CWC27: variants seen among roughly 807,000 people sequenced by gnomAD.
CWC27 encodes spliceosome-associated protein CWC27 homolog.
CWC27 carries 47 observed loss-of-function variants against 63.6 expected under a neutral mutation model. The observed-to-expected ratio is 0.74, with a 90% CI of 0.58 to 0.94. CWC27 has a LOEUF of 0.94. CWC27 is among the 40% of genes least tolerant of loss of function. The pLI is 0.00. For synonymous variants in CWC27, 175 were observed against 179.8 expected (o/e 0.97, Z 0.22); for missense variants, 495 against 554.3 (o/e 0.89, Z 1.07).
chr5:64,876,148 A>G (rs1279327057), intron 10 of CWC27, among the ~76,000 whole-genome samples: 2 of 152,246 alleles, frequency 1.3e-5, no homozygotes, highest in Middle Eastern at 3.4e-3. Flanking sequence ...AAATGTGTGT[A>G]TAAACTACAG....
At position 64,840,394 on chromosome 5, in the gene CWC27, AATATATATATAT is replaced by A. The variant is rs61685920; in HGVS notation, c.938+36034_938+36045del. 6.2e-4 allele frequency among the ~76,000 whole-genome samples: 12 copies of A among 19,492 alleles called. 1 individual carries two copies. Among genetic ancestry groups the A allele is most frequent in the East Asian group, 2.6e-3 (1 of 390 alleles). The allele number at this position is 19,492 out of a possible 152,430, so 12.8% of individuals were successfully genotyped here. A position where few individuals can be genotyped will look rare whatever the true frequency, so the allele number is the denominator to read the frequency against. ...AAAAAAAAAAAAAAAAAAAAAAAAAAATATATATATATATATATATATATATATATATATATA... is the reference window on the plus strand; with the variant it reads ...AAAAAAAAAAAAAAAAAAAAAAAAAAATATATATATATATATATATATATA... On this transcript the variant is annotated intron_variant, in intron 10 of 13. Transcript: ENST00000381070.
intron 13 of CWC27, among the ~76,000 whole-genome samples, chr5:64,997,540 A>G (rs1257731484): frequency 6.6e-6 from 1 of 152,148 alleles, no homozygotes; most frequent in Non-Finnish European, 1.5e-5. Context: ...TTTCTATAAT[A>G]TTTGACTGTT....
chr5:64,891,010 A>G lies in CWC27; in HGVS notation c.1042+5464A>G, dbSNP rs1300692230. Among the ~76,000 whole-genome samples the G allele has an allele frequency of 3.3e-5, 5 of 152,304 alleles. No individual in the cohort carries two copies. The East Asian group carries it at 7.7e-4, about 23-fold the overall frequency. On this transcript the variant is annotated intron_variant, in intron 11 of 13. Coordinates refer to ENST00000381070, the MANE Select transcript of CWC27 (RefSeq NM_005869.4). Reference sequence around the variant, plus strand: ...TAGCAGCAAGAGGTGATCGCCAACCAGCTGACACTAGGTCAGGAAACACAA... The same window carrying G: ...TAGCAGCAAGAGGTGATCGCCAACCGGCTGACACTAGGTCAGGAAACACAA...
At chr5:64,777,445 G>A (rs1743496770) in intron 2 of CWC27, among the ~76,000 whole-genome samples, 1 of 152,010 alleles carries the variant, frequency 6.6e-6, no homozygotes. Context: ...ACACAAAACA[G>A]GATTCTAGAA....
rs546915308 is a variant in CWC27 at position 64,786,161 on chromosome 5, T to C, written c.496-363T>C. ...GCCTGGGCGACAGAGCAAGACTCCA[T>C]CTCAAAAAAAAAAAAAAAAAAAAAG... On this transcript the variant is annotated intron_variant, in intron 5 of 13. Transcript: ENST00000381070. Among the ~76,000 whole-genome samples, 29 of 105,596 alleles carry C rather than the reference T, an allele frequency of 2.7e-4. No individual in the cohort carries two copies. In the South Asian group the frequency reaches 3.7e-3, roughly 13 times the overall value. The allele number at this position is 105,596 out of a possible 152,430, so 69.3% of individuals were successfully genotyped here.
At chr5:65,008,204 G>A (rs1347181957) in intron 13 of CWC27, among the ~76,000 whole-genome samples, 3 of 152,214 alleles carry the variant, frequency 2.0e-5, no homozygotes, top group Non-Finnish European at 2.9e-5. Flanking sequence ...ACTAATGTAA[G>A]ATGTTAGTAA....
chr5:64,815,746 C>A (rs370771165), intron 10 of CWC27, among the ~76,000 whole-genome samples: 74 of 152,186 alleles, frequency 4.9e-4, no homozygotes, highest in African/African-American at 1.8e-3. Flanking sequence ...GTACAAAATT[C>A]TAAAGGAAAT....
chr5:64,965,129 T>C (rs1207416065), intron 11 of CWC27, among the ~76,000 whole-genome samples: 1 of 152,148 alleles, frequency 6.6e-6, no homozygotes, highest in Admixed American at 6.5e-5. Context: ...CTCAACAACT[T>C]TAGAAGCTGT....
chr5:64,873,184 G>A (rs1224330829), intron 10 of CWC27, among the ~76,000 whole-genome samples: 1 of 152,114 alleles, frequency 6.6e-6, no homozygotes, highest in African/African-American at 2.4e-5. Context: ...GTTTTGTTTC[G>A]TTCACTTAGA....
chr5:64,898,472 A>G (rs969746810), intron 11 of CWC27, among the ~76,000 whole-genome samples: 3 of 152,200 alleles, frequency 2.0e-5, no homozygotes, highest in African/African-American at 7.2e-5. Flanking sequence ...AAACTTGCAC[A>G]TAGTAGATAG....
chr5:64,887,485 G>T (rs992338072), intron 11 of CWC27, among the ~76,000 whole-genome samples: 1 of 152,056 alleles, frequency 6.6e-6, no homozygotes, highest in Non-Finnish European at 1.5e-5. Flanking sequence ...TCGTACCTCA[G>T]CCTCCCAAGT....
Position 64,886,396 on chromosome 5 carries a change from G to A in CWC27, c.1042+850G>A, listed in dbSNP as rs948326863. Among the ~76,000 whole-genome samples the A allele has an allele frequency of 2.0e-5, 3 of 152,106 alleles. No homozygotes were observed. In the South Asian group the frequency reaches 6.2e-4, roughly 32 times the overall value. ...GCCTCTTATAATGTATACTAAGTTT[G>A]ATACATTTGATACTAAGTACATACA... is the stretch of plus-strand genomic sequence containing the variant. On this transcript the variant is annotated intron_variant, in intron 11 of 13. Coordinates refer to ENST00000381070, the MANE Select transcript of CWC27 (RefSeq NM_005869.4).
intron 11 of CWC27, among the ~76,000 whole-genome samples, chr5:64,919,160 A>G (rs10471642): frequency 0.17 from 25,237 of 152,196 alleles, 2,434 homozygotes; most frequent in South Asian, 0.33. Context: ...TTCTATATGT[A>G]TGTGTACACA....
At chr5:64,856,482 G>GTGTGTA (rs1293974518) in intron 10 of CWC27, among the ~76,000 whole-genome samples, 1 of 151,808 alleles carries the variant, frequency 6.6e-6, no homozygotes, top group Non-Finnish European at 1.5e-5. Flanking sequence ...GTGTGTGTGT[G>GTGTGTA]TGTGTATGTG....
intron 11 of CWC27, among the ~76,000 whole-genome samples, chr5:64,933,817 A>G (rs148051106): frequency 6.6e-6 from 1 of 152,224 alleles, no homozygotes; most frequent in Non-Finnish European, 1.5e-5. Context: ...CTCTTGAACT[A>G]TTTGAAGGTA....
chr5:65,013,657 A>G (rs1384425546), intron 13 of CWC27, among the ~76,000 whole-genome samples: 1 of 152,212 alleles, frequency 6.6e-6, no homozygotes, highest in African/African-American at 2.4e-5. Flanking sequence ...AAAGAATGCT[A>G]TAAAAGAAAT....
chr5:64,970,147 CTACT>C (rs1034676943), intron 11 of CWC27, among the ~76,000 whole-genome samples: 2 of 151,884 alleles, frequency 1.3e-5, no homozygotes, highest in African/African-American at 4.8e-5. Flanking sequence ...GCAAATCTAA[CTACT>C]GTAGGATAAG....
At chr5:64,881,083 G>A (rs940926527) in intron 10 of CWC27, among the ~76,000 whole-genome samples, 7 of 151,948 alleles carry the variant, frequency 4.6e-5, no homozygotes, top group African/African-American at 1.4e-4. Context: ...TTTAGACTGT[G>A]ATCTAAAAAT....
chr5:64,816,391 A>G (rs188218588), intron 10 of CWC27, among the ~76,000 whole-genome samples: 2 of 152,284 alleles, frequency 1.3e-5, no homozygotes, highest in Non-Finnish European at 2.9e-5. Context: ...AAACACATTC[A>G]TCAGTCTCCT....
Sources: gnomAD v4.1 joint callset for allele counts (sites outside exome capture counted in the v4.1 genomes callset) on GRCh38, gnomAD v4.1.1 for gene constraint, MANE v1.5 for transcripts, NCBI Gene and HGNC (gene_info 2026-07-23, HGNC 2026-07-21) for gene names.